The following CYFIP2 variants were observed in gnomAD, a reference collection of about 807,000 sequenced individuals.
CYFIP2 encodes the protein cytoplasmic FMR1-interacting protein 2.
A neutral mutation model predicts 158.7 loss-of-function variants in CYFIP2; 29 were observed. The observed-to-expected ratio is 0.18, with a 90% CI of 0.14 to 0.25. The LOEUF is 0.25. CYFIP2 is among the 10% of genes least tolerant of loss of function. The pLI, the probability that CYFIP2 is intolerant of heterozygous loss-of-function variation, is 1.00. For synonymous variants in CYFIP2, 585 were observed against 617.6 expected, an observed-to-expected ratio of 0.95 and a Z score of 0.78; for missense variants, 852 against 1,639.5, an observed-to-expected ratio of 0.52 and a Z score of 8.29.
chr5:157,384,655 T>C (rs777058265), intron 28 of CYFIP2: 7 of 389,000 alleles, frequency 1.8e-5, no homozygotes, highest in Non-Finnish European at 2.6e-5. Context: ...AAGCTAATCA[T>C]GGGGCCGGGC....
At chr5:157,281,522 A>T (rs542308010) in intron 1 of CYFIP2, among the ~76,000 whole-genome samples, 1 of 152,304 alleles carries the variant, frequency 6.6e-6, no homozygotes, top group Admixed American at 6.5e-5. Flanking sequence ...ACAGTAACAA[A>T]GTAATAAAAA....
intron 26 of CYFIP2, among the ~76,000 whole-genome samples, chr5:157,365,828 G>C (rs1764318651): frequency 1.2e-5 from 1 of 84,994 alleles, no homozygotes; most frequent in African/African-American, 5.0e-5. Flanking sequence ...CCATGTTGTA[G>C]ATGATCCATT....
chr5:157,309,882 C>T, intron 10 of CYFIP2, 48 bp downstream of exon 10: 1 of 1,535,766 alleles, frequency 6.5e-7, no homozygotes, highest in Non-Finnish European at 8.8e-7. Flanking sequence ...GATGCCCAGC[C>T]CGGGCAGAGA....
At chr5:157,391,775 C>A (rs1767313428) in intron 30 of CYFIP2, among the ~76,000 whole-genome samples, 1 of 152,184 alleles carries the variant, frequency 6.6e-6, no homozygotes, top group Non-Finnish European at 1.5e-5. Flanking sequence ...GCTTTCCATT[C>A]TTTTGAGTAT....
chr5:157,327,115 A>G (rs1255484099), intron 18 of CYFIP2, among the ~76,000 whole-genome samples: 3 of 152,154 alleles, frequency 2.0e-5, no homozygotes, highest in Non-Finnish European at 4.4e-5. Flanking sequence ...ATTTGGTTTG[A>G]TTCTTCATGT....
chr5:157,314,191 G>T (rs1759955753), intron 11 of CYFIP2, among the ~76,000 whole-genome samples, 153 bp from the exon 12 acceptor site: 1 of 152,142 alleles, frequency 6.6e-6, no homozygotes, highest in Non-Finnish European at 1.5e-5. Context: ...TAAACCATGT[G>T]GCCTTCAGCA....
intron 28 of CYFIP2, chr5:157,384,784 A>C (rs1766494918): frequency 3.3e-6 from 1 of 301,948 alleles, no homozygotes; most frequent in Non-Finnish European, 6.7e-6. Context: ...TACCAAAAAC[A>C]CAAAAATTAG....
chr5:157,322,033 A>T (rs978762304), intron 15 of CYFIP2, among the ~76,000 whole-genome samples: 29 of 152,258 alleles, frequency 1.9e-4, no homozygotes, highest in African/African-American at 6.7e-4. Context: ...AGGAGAGGAG[A>T]GGAAGGAGTA....
intron 3 of CYFIP2, among the ~76,000 whole-genome samples, chr5:157,291,028 G>T (rs1422071300): frequency 1.3e-5 from 2 of 152,138 alleles, no homozygotes; most frequent in African/African-American, 2.4e-5. Context: ...TTTAAGTCAT[G>T]GACTTTCAGA....
At chr5:157,323,678 GGAGCT>G (rs1457741660) in intron 15 of CYFIP2, among the ~76,000 whole-genome samples, 1 of 152,220 alleles carries the variant, frequency 6.6e-6, no homozygotes, top group Non-Finnish European at 1.5e-5. Context: ...AGCAGAGCAG[GGAGCT>G]ACCTGGTGTG....
At chr5:157,291,121 T>A (rs769196279) in intron 3 of CYFIP2, among the ~76,000 whole-genome samples, 20 of 152,208 alleles carry the variant, frequency 1.3e-4, no homozygotes, top group Non-Finnish European at 2.5e-4. Flanking sequence ...ACCTGGGGAT[T>A]GTTTAAAAAC....
chr5:157,341,164 A>G lies in CYFIP2; in HGVS notation c.2673+7A>G, dbSNP rs765337327. On this transcript the variant is annotated splice_region_variant and intron_variant, in intron 23 of 30. Transcript: ENST00000620254. The stretch of plus-strand genomic sequence containing the variant: ...TTACCTCTATGGATCCAAGGTAAGT[A>G]GTCCTGCCCTACCCTGCCTAGAAGA... The G allele has an allele frequency of 7.4e-6, 12 of 1,612,980 alleles. No homozygotes were observed. In the Admixed American group the frequency reaches 8.3e-5, roughly 11 times the overall value.
intron 26 of CYFIP2, chr5:157,375,605 A>G (rs1477671348): frequency 6.7e-6 from 1 of 150,146 alleles, no homozygotes; most frequent in East Asian, 2.0e-4. Context: ...CCAAATTCAT[A>G]AATTTTCTTA....
chr5:157,305,122 T>A (rs1240327277), intron 8 of CYFIP2, among the ~76,000 whole-genome samples: 2 of 152,212 alleles, frequency 1.3e-5, no homozygotes, highest in African/African-American at 2.4e-5. Flanking sequence ...ATGATGTATA[T>A]ATATAACACA....
At chr5:157,336,006 C>G (rs986499314) in intron 21 of CYFIP2, among the ~76,000 whole-genome samples, 4 of 152,126 alleles carry the variant, frequency 2.6e-5, no homozygotes, top group African/African-American at 9.7e-5. Flanking sequence ...CAGTGGCTCC[C>G]CAGAGAACAC....
intron 30 of CYFIP2, among the ~76,000 whole-genome samples, chr5:157,391,624 A>G (rs1767297619): frequency 6.6e-6 from 1 of 152,112 alleles, no homozygotes; most frequent in Non-Finnish European, 1.5e-5. Context: ...CATCCTTTTT[A>G]TGGCTGTATA....
chr5:157,319,997 C>G, intron 14 of CYFIP2, 69 bp downstream of exon 14: 1 of 1,561,764 alleles, frequency 6.4e-7, no homozygotes. Flanking sequence ...GAGAGGATGT[C>G]CTGGCTCAGC....
chr5:157,323,823 G>A lies in CYFIP2; in HGVS notation c.1672-98G>A, dbSNP rs1760797343. 5 of 1,297,060 alleles carry A rather than the reference G, an allele frequency of 3.9e-6. No individual in the cohort carries two copies. In the South Asian group the frequency reaches 8.4e-5, roughly 22 times the overall value. The allele number at this position is 1,297,060 out of a possible 1,614,324, so 80.3% of individuals were successfully genotyped here. A position where few individuals can be genotyped will look rare whatever the true frequency, so the allele number is the denominator to read the frequency against. ...CAGTGCTTTTTAAGAGCAGACATCT[G>A]CAGAAAAAAAAAAATACATAAATAC... On this transcript the variant is annotated intron_variant, in intron 15 of 30. Transcript: ENST00000620254.
At chr5:157,357,941 T>C (rs1331794927) in intron 23 of CYFIP2, among the ~76,000 whole-genome samples, 1 of 152,204 alleles carries the variant, frequency 6.6e-6, no homozygotes, top group Non-Finnish European at 1.5e-5. Context: ...AGGTGGAGCA[T>C]GGGCTTTGGA....
Sources: allele counts gnomAD v4.1 joint callset (sites outside exome capture counted in the v4.1 genomes callset), GRCh38; gene constraint gnomAD v4.1.1; transcripts MANE v1.5; gene names NCBI Gene and HGNC (gene_info 2026-07-23, HGNC 2026-07-21).